SHLD1: variants seen among roughly 807,000 people sequenced by gnomAD.
SHLD1 encodes the protein shieldin complex subunit 1, also known as RINN1-REV7-interacting novel NHEJ regulator 3.
Under a neutral mutation model 5.5 loss-of-function variants are expected in SHLD1, and 3 were observed. That is an observed-to-expected ratio of 0.54 (90% confidence interval 0.25 to 1.40). The LOEUF is 1.40. Among genes scored for constraint, SHLD1 ranks in the 40% most tolerant of loss-of-function variants. The pLI is 0.15. For missense variants in SHLD1, 210 were observed against 244.4 expected (o/e 0.86, Z 0.94); for synonymous variants, 92 against 94.3 (o/e 0.98, Z 0.14).
At chr20:5,789,612 A>G (rs1459269752) in intron 2 of SHLD1, among the ~76,000 whole-genome samples, 1 of 149,300 alleles carries the variant, frequency 6.7e-6, no homozygotes, top group African/African-American at 2.5e-5. Context: ...CAAAATTGAG[A>G]AAAAAAAAAC....
intron 2 of SHLD1, among the ~76,000 whole-genome samples, chr20:5,778,603 TC>T (rs202141174): frequency 0.029 from 3,115 of 107,948 alleles, 52 homozygotes; most frequent in African/African-American, 0.063. Flanking sequence ...CAAGACCTTG[TC>T]AAAAAAAAAA....
intron 2 of SHLD1, among the ~76,000 whole-genome samples, chr20:5,784,520 G>T (rs181074322): frequency 1.3e-5 from 2 of 151,696 alleles, no homozygotes; most frequent in African/African-American, 2.4e-5. Flanking sequence ...GCGCGATCTC[G>T]GCTCACTGCA....
chr20:5,794,411 C>T (rs990618511), intron 2 of SHLD1, among the ~76,000 whole-genome samples: 13 of 152,196 alleles, frequency 8.5e-5, no homozygotes, highest in South Asian at 8.3e-4. Context: ...TTGCTCAGTA[C>T]GAGGCAAAAA....
chr20:5,824,809 C>G (rs564731639), intron 2 of SHLD1, among the ~76,000 whole-genome samples: 2 of 152,226 alleles, frequency 1.3e-5, no homozygotes, highest in East Asian at 3.9e-4. Flanking sequence ...ATTCATACTG[C>G]TTTTTCCAAA....
intron 2 of SHLD1, among the ~76,000 whole-genome samples, chr20:5,848,546 A>G (rs1468520715): frequency 6.6e-6 from 1 of 152,248 alleles, no homozygotes; most frequent in Non-Finnish European, 1.5e-5. Context: ...AACCTATAAT[A>G]TCTGTGAAGA....
chr20:5,843,406 GT>G (rs766081824), intron 2 of SHLD1, among the ~76,000 whole-genome samples: 10 of 142,372 alleles, frequency 7.0e-5, no homozygotes, highest in Non-Finnish European at 1.2e-4. Context: ...GTTTTTGTTT[GT>G]TTTGTTTTAC....
intron 2 of SHLD1, among the ~76,000 whole-genome samples, chr20:5,845,905 T>A (rs1292859355): frequency 6.6e-6 from 1 of 152,194 alleles, no homozygotes; most frequent in African/African-American, 2.4e-5. Flanking sequence ...GGTGATTACT[T>A]TAAAGGGGAA....
At chr20:5,767,516 C>T (rs565927180) in intron 1 of SHLD1, among the ~76,000 whole-genome samples, 3 of 152,156 alleles carry the variant, frequency 2.0e-5, no homozygotes, top group African/African-American at 2.4e-5. Flanking sequence ...ATTCTTGACC[C>T]GTGGGTCCCT....
chr20:5,806,440 G>T lies in SHLD1; in HGVS notation c.178+33397G>T, dbSNP rs772606665. Reference sequence around the variant, plus strand: ...GTTTTGAAGCACTGATCATTTTCCTGTATTACTGTGGGGAAGTGGATTATC... The same window carrying T: ...GTTTTGAAGCACTGATCATTTTCCTTTATTACTGTGGGGAAGTGGATTATC... On this transcript the variant is annotated intron_variant, in intron 2 of 2. Transcript: ENST00000303142. This position sits in a 1 kb window ranked among gnomAD's most constrained non-coding sequence, Gnocchi z 7.6. Among the ~76,000 whole-genome samples the T allele has an allele frequency of 3.3e-5, 5 of 152,156 alleles. No homozygotes were observed. The highest frequency in any genetic ancestry group is 9.7e-5 in the African/African-American group (4 of 41,438).
chr20:5,799,758 A>G (rs146484162), intron 2 of SHLD1, among the ~76,000 whole-genome samples: 355 of 152,248 alleles, frequency 2.3e-3, no homozygotes, highest in African/African-American at 7.6e-3. Context: ...CATGAAGTGT[A>G]AGTCTTTTTA....
intron 2 of SHLD1, among the ~76,000 whole-genome samples, chr20:5,852,817 A>T (rs966256300): frequency 6.6e-6 from 1 of 152,214 alleles, no homozygotes; most frequent in Non-Finnish European, 1.5e-5. Context: ...TTTTTAAAAA[A>T]ATCCTTGAAC....
At chr20:5,759,131 T>G (rs1984312703) in intron 1 of SHLD1, among the ~76,000 whole-genome samples, 2 of 151,720 alleles carry the variant, frequency 1.3e-5, no homozygotes, top group Non-Finnish European at 2.9e-5. Flanking sequence ...ATTTTTTGTA[T>G]TTTTAGTAGA....
chr20:5,850,973 T>G (rs2088001288), intron 2 of SHLD1, among the ~76,000 whole-genome samples: 1 of 152,202 alleles, frequency 6.6e-6, no homozygotes, highest in Admixed American at 6.5e-5. Context: ...TGGTCCTTGC[T>G]TCTTTGCAGG....
intron 2 of SHLD1, among the ~76,000 whole-genome samples, chr20:5,832,797 T>TAATA (rs56210743): frequency 0.016 from 2,283 of 143,816 alleles, 22 homozygotes; most frequent in East Asian, 0.025. Flanking sequence ...GAAATCAAAA[T>TAATA]AATAAATAAA....
chr20:5,822,817 C>G (rs948205156), intron 2 of SHLD1, among the ~76,000 whole-genome samples: 2 of 151,366 alleles, frequency 1.3e-5, no homozygotes, highest in Non-Finnish European at 2.9e-5. Flanking sequence ...TATTTCCCAT[C>G]TAAAAAAAAA....
chr20:5,775,386 G>A (rs1400338242), intron 2 of SHLD1, among the ~76,000 whole-genome samples: 1 of 152,102 alleles, frequency 6.6e-6, no homozygotes, highest in Admixed American at 6.6e-5. Context: ...ATACTTCAAG[G>A]CAATGGCTCT....
At chr20:5,819,414 C>T (rs1185070775) in intron 2 of SHLD1, among the ~76,000 whole-genome samples, 3 of 152,190 alleles carry the variant, frequency 2.0e-5, no homozygotes, top group African/African-American at 7.2e-5. Flanking sequence ...GTAATGTTTG[C>T]CTTTGTAATT....
At chr20:5,820,502 T>C (rs530232033) in intron 2 of SHLD1, among the ~76,000 whole-genome samples, 1 of 152,312 alleles carries the variant, frequency 6.6e-6, no homozygotes, top group Admixed American at 6.5e-5. Context: ...CTCTTGAAGT[T>C]CACCACCCAG....
chr20:5,760,282 C>T (rs1038870469), intron 1 of SHLD1, among the ~76,000 whole-genome samples: 1 of 151,842 alleles, frequency 6.6e-6, no homozygotes, highest in Non-Finnish European at 1.5e-5. Flanking sequence ...GGGTCAGCTC[C>T]GCAGTTGCAA....
Sources: allele counts gnomAD v4.1 joint callset (sites outside exome capture counted in the v4.1 genomes callset), GRCh38; gene constraint gnomAD v4.1.1; non-coding constraint Gnocchi (gnomAD v3.1); transcripts MANE v1.5; gene names NCBI Gene and HGNC (gene_info 2026-07-23, HGNC 2026-07-21).